The following PRELID2 variants were observed in gnomAD, a reference collection of about 807,000 sequenced individuals.
PRELID2 encodes PRELI domain-containing protein 2.
In PRELID2, 25 loss-of-function variants were observed where a neutral mutation model predicts 28.4. The observed-to-expected ratio is 0.88, with a 90% CI of 0.64 to 1.23. PRELID2 has a LOEUF of 1.23. PRELID2 is among the 50% of genes most tolerant of loss of function. The pLI, the probability that PRELID2 is intolerant of heterozygous loss-of-function variation, is 0.00. For missense variants in PRELID2, 201 were observed against 214.4 expected (o/e 0.94, Z 0.39); for synonymous variants, 76 against 71.6 (o/e 1.06, Z -0.31).
At chr5:145,448,081 C>A in the PRELID2 span, among the ~76,000 whole-genome samples, 8 of 152,098 alleles carry the variant, frequency 5.3e-5, no homozygotes, top group Non-Finnish European at 1.2e-4. Context: ...AGTTTACAGT[C>A]CCATCAACAG....
intron 1 of PRELID2, among the ~76,000 whole-genome samples, chr5:145,688,486 C>T (rs1755080749): frequency 6.6e-6 from 1 of 152,118 alleles, no homozygotes; most frequent in Non-Finnish European, 1.5e-5. Flanking sequence ...GCTTGCAGTC[C>T]AGTGACAGAA....
At chr5:145,439,313 C>T in the PRELID2 span, among the ~76,000 whole-genome samples, 1 of 152,000 alleles carries the variant, frequency 6.6e-6, no homozygotes, top group Non-Finnish European at 1.5e-5. Context: ...ATACTGGCCC[C>T]CATTCTGGCG....
chr5:145,456,895 G>A, the PRELID2 span, among the ~76,000 whole-genome samples: 1 of 152,182 alleles, frequency 6.6e-6, no homozygotes, highest in Non-Finnish European at 1.5e-5. Context: ...GACATTCAAA[G>A]AGAATTAGTG....
chr5:145,649,728 C>T (rs554557559), intron 1 of PRELID2, among the ~76,000 whole-genome samples: 71 of 152,254 alleles, frequency 4.7e-4, no homozygotes, highest in Non-Finnish European at 8.7e-4. Context: ...TTTCAAGGCT[C>T]CAAATTTTGT....
At chr5:145,350,192 G>T in the PRELID2 span, among the ~76,000 whole-genome samples, 1 of 152,140 alleles carries the variant, frequency 6.6e-6, no homozygotes, top group African/African-American at 2.4e-5. Context: ...TGACTCCTTA[G>T]CATGTAGTAG....
the PRELID2 span, among the ~76,000 whole-genome samples, chr5:145,335,404 C>A: frequency 1.9e-3 from 290 of 151,958 alleles, 1 homozygote; most frequent in African/African-American, 6.6e-3. Context: ...TGTTCTCTTG[C>A]AGCTGACTGT....
At chr5:145,494,883 A>G (rs766716034) in intron 1 of PRELID2, among the ~76,000 whole-genome samples, 50 of 152,196 alleles carry the variant, frequency 3.3e-4, no homozygotes, top group Non-Finnish European at 5.1e-4. Context: ...TCAGCCTAAA[A>G]TGCAAGTTTT....
At chr5:145,288,252 T>C in the PRELID2 span, among the ~76,000 whole-genome samples, 3 of 152,156 alleles carry the variant, frequency 2.0e-5, no homozygotes, top group Non-Finnish European at 4.4e-5. Flanking sequence ...TCACCCCCAA[T>C]AGAGATTTAA....
chr5:145,256,324 A>T, the PRELID2 span, among the ~76,000 whole-genome samples: 1 of 151,952 alleles, frequency 6.6e-6, no homozygotes, highest in East Asian at 1.9e-4. Context: ...TATTTTTTTT[A>T]AATCTTTGTC....
At chr5:145,790,692 A>G (rs1366887469) in intron 5 of PRELID2, among the ~76,000 whole-genome samples, 2 of 93,858 alleles carry the variant, frequency 2.1e-5, no homozygotes, top group African/African-American at 6.7e-5. Flanking sequence ...TTGAATTAAT[A>G]ATTCCACATT....
At chr5:145,240,159 A>G in the PRELID2 span, among the ~76,000 whole-genome samples, 1 of 152,026 alleles carries the variant, frequency 6.6e-6, no homozygotes, top group Non-Finnish European at 1.5e-5. Context: ...TATGGCATTT[A>G]TAAATGGGTA....
At chr5:145,296,718 G>C in the PRELID2 span, among the ~76,000 whole-genome samples, 1 of 152,042 alleles carries the variant, frequency 6.6e-6, no homozygotes, top group Non-Finnish European at 1.5e-5. Flanking sequence ...GTAATGGGAT[G>C]GCTGGGTCAA....
chr5:145,727,131 G>A (rs1356416201), intron 1 of PRELID2, among the ~76,000 whole-genome samples: 9 of 152,208 alleles, frequency 5.9e-5, no homozygotes, highest in East Asian at 1.9e-4. Context: ...GGAGCACTGC[G>A]TTAAGCACCT....
intron 5 of PRELID2, among the ~76,000 whole-genome samples, chr5:145,785,377 A>C (rs7705661): frequency 0.075 from 11,365 of 152,280 alleles, 1,407 homozygotes; most frequent in African/African-American, 0.26. Flanking sequence ...AAGGCACAGC[A>C]TACTATGCTT....
At chr5:145,605,817 G>A (rs1397236105) in intron 1 of PRELID2, among the ~76,000 whole-genome samples, 3 of 151,964 alleles carry the variant, frequency 2.0e-5, no homozygotes, top group Non-Finnish European at 4.4e-5. Flanking sequence ...GTCATTGATA[G>A]TTTAATAGCA....
chr5:145,521,472 C>T (rs1408048857), intron 1 of PRELID2, among the ~76,000 whole-genome samples: 1 of 152,162 alleles, frequency 6.6e-6, no homozygotes, highest in Non-Finnish European at 1.5e-5. Flanking sequence ...CCATGTACAA[C>T]ATGGGGATCC....
chr5:145,273,598 G>T, the PRELID2 span, among the ~76,000 whole-genome samples: 1 of 152,066 alleles, frequency 6.6e-6, no homozygotes, highest in Non-Finnish European at 1.5e-5. Flanking sequence ...AGCATCCTCT[G>T]GATACATGTG....
chr5:145,298,191 G>T, the PRELID2 span, among the ~76,000 whole-genome samples: 1 of 152,144 alleles, frequency 6.6e-6, no homozygotes, highest in Non-Finnish European at 1.5e-5. Context: ...AACAAAGCTG[G>T]AGGCATCATG....
At chr5:145,503,751 T>C (rs1378254505) in intron 1 of PRELID2, among the ~76,000 whole-genome samples, 1 of 152,170 alleles carries the variant, frequency 6.6e-6, no homozygotes, top group African/African-American at 2.4e-5. Context: ...ACTTTGCAGC[T>C]TTTAATATGC....
Sources: gnomAD v4.1 joint callset for allele counts (sites outside exome capture counted in the v4.1 genomes callset) on GRCh38, gnomAD v4.1.1 for gene constraint, MANE v1.5 for transcripts, NCBI Gene and HGNC (gene_info 2026-07-23, HGNC 2026-07-21) for gene names.